The following PLAC1 variants were observed in gnomAD, a reference collection of about 807,000 sequenced individuals.
PLAC1 encodes the protein placenta-specific protein 1.
For synonymous variants in PLAC1, 68 were observed against 62.1 expected (o/e 1.09, Z -0.44); for missense variants, 136 against 163.2 (o/e 0.83, Z 0.91).
chrX:134,697,076 C>T (rs1208619405), intron 2 of PLAC1, among the ~76,000 whole-genome samples: 1 of 109,771 alleles, frequency 9.1e-6, no homozygotes, highest in East Asian at 2.9e-4. Context: ...AATCTCAGCT[C>T]AACTTTCTTC....
At chrX:134,695,220 G>A (rs1437202941) in intron 2 of PLAC1, among the ~76,000 whole-genome samples, 1 of 112,225 alleles carries the variant, frequency 8.9e-6, no homozygotes, top group Non-Finnish European at 1.9e-5. Context: ...GTTAAATTTG[G>A]TGATTTAATA....
intron 1 of PLAC1, among the ~76,000 whole-genome samples, chrX:134,763,714 A>G (rs1446827137): frequency 1.8e-5 from 2 of 109,395 alleles, no homozygotes; most frequent in Non-Finnish European, 3.8e-5. Flanking sequence ...CCACCTACTC[A>G]GGAGGCTGAG....
intron 1 of PLAC1, chrX:134,604,449 G>GT (rs1272575362): frequency 8.9e-6 from 1 of 111,947 alleles, no homozygotes; most frequent in Non-Finnish European, 1.9e-5. Flanking sequence ...GGGCTCATCC[G>GT]TTTTTTCTCA....
rs151135038 is a variant in PLAC1 at position 134,566,625 on chromosome X, C to T, written c.58G>A (p.Gly20Ser). The stretch of plus-strand genomic sequence containing the variant: ...ACAGTCATTGGACTTTGTCCTGAAC[C>T]GGCTGAAAACGCAGAGGTGAGGAGG... ...MILLTSAFSAGSGQSPMTVLC... is the reference protein window; with the variant it reads ...MILLTSAFSASSGQSPMTVLC... Residue 20 changes from glycine (G) to serine (S), a missense_variant, in exon 3 of 3, where the codon GGT becomes AGT. Physicochemically the swap from Gly to Ser is moderately conservative, Grantham distance 56. Coordinates refer to ENST00000359237, the MANE Select transcript of PLAC1 (RefSeq NM_021796.4). The T allele has an allele frequency of 1.8e-4, 223 of 1,205,917 alleles. 1 individual carries two copies. The highest frequency in any genetic ancestry group is 2.3e-4 in the Non-Finnish European group (201 of 892,029).
At position 134,565,846 on chromosome X, in the gene PLAC1, C is replaced by A. The variant is rs1457721473; in HGVS notation, c.*198G>T. The A allele has an allele frequency of 5.2e-6, 2 of 385,140 alleles. No individual in the cohort carries two copies. The highest frequency in any genetic ancestry group is 4.4e-6 in the Non-Finnish European group (1 of 225,198). The allele number at this position is 385,140 out of a possible 1,213,427, so 31.7% of individuals were successfully genotyped here. A position where few individuals can be genotyped will look rare whatever the true frequency, so the allele number is the denominator to read the frequency against. On this transcript the variant is annotated 3_prime_UTR_variant, in exon 3 of 3. Transcript: ENST00000359237. ...TAAAAATGCCCAACATATTTTTATG[C>A]GATCAGAATTTTATTTTATTTTTTG...
chrX:134,684,411 T>TAAAAAA (rs10606569), intron 2 of PLAC1, among the ~76,000 whole-genome samples: 6 of 80,975 alleles, frequency 7.4e-5, no homozygotes, highest in African/African-American at 2.3e-4. Context: ...GCTCTGCCAC[T>TAAAAAA]AAAAAAAAAA....
At chrX:134,619,088 G>A (rs1316756692) in intron 1 of PLAC1, among the ~76,000 whole-genome samples, 1 of 111,967 alleles carries the variant, frequency 8.9e-6, no homozygotes, top group African/African-American at 3.2e-5. Context: ...AATTGACAGA[G>A]ACAAAGCCAC....
At chrX:134,589,938 G>T (rs1313978203) in intron 2 of PLAC1, among the ~76,000 whole-genome samples, 1 of 111,248 alleles carries the variant, frequency 9.0e-6, no homozygotes, top group Non-Finnish European at 1.9e-5. Flanking sequence ...GCTCACGCCT[G>T]TAATCCCAGC....
chrX:134,737,454 C>T (rs1488361763), intron 1 of PLAC1, among the ~76,000 whole-genome samples: 10 of 112,552 alleles, frequency 8.9e-5, no homozygotes, highest in Non-Finnish European at 1.9e-4. Context: ...ACATCTAATA[C>T]TGGATGGCAG....
chrX:134,680,876 A>G (rs1428768732), intron 2 of PLAC1, among the ~76,000 whole-genome samples: 1 of 111,850 alleles, frequency 8.9e-6, no homozygotes, highest in Admixed American at 9.5e-5. Context: ...TGAAGTCAGG[A>G]AGAATGAAGC....
At chrX:134,634,067 C>A (rs2078272955) in intron 1 of PLAC1, among the ~76,000 whole-genome samples, 1 of 111,742 alleles carries the variant, frequency 8.9e-6, no homozygotes, top group African/African-American at 3.3e-5. Flanking sequence ...TTGGAGTAGG[C>A]AAGCTCTAAG....
chrX:134,678,183 G>T (rs886391643), intron 2 of PLAC1, among the ~76,000 whole-genome samples: 1 of 110,896 alleles, frequency 9.0e-6, no homozygotes, highest in Non-Finnish European at 1.9e-5. Flanking sequence ...CTGTAGACTC[G>T]GTCTAATGGT....
chrX:134,758,246 G>A (rs1222725896), intron 1 of PLAC1, among the ~76,000 whole-genome samples: 2 of 110,297 alleles, frequency 1.8e-5, no homozygotes, highest in Non-Finnish European at 1.9e-5. Context: ...CTATAGATTC[G>A]ATGCAATCCT....
intron 2 of PLAC1, among the ~76,000 whole-genome samples, chrX:134,675,207 A>C (rs1376027218): frequency 8.9e-6 from 1 of 112,410 alleles, no homozygotes; most frequent in Admixed American, 9.4e-5. Context: ...AAGAAGAAAA[A>C]GTAAGCTATT....
intron 2 of PLAC1, among the ~76,000 whole-genome samples, chrX:134,575,426 A>G (rs1242886417): frequency 4.8e-5 from 5 of 104,862 alleles, no homozygotes; most frequent in Non-Finnish European, 7.8e-5. Context: ...GCTTGAGCCC[A>G]GAGTGAGACC....
intron 2 of PLAC1, among the ~76,000 whole-genome samples, chrX:134,669,761 C>A (rs964164673): frequency 8.9e-6 from 1 of 112,311 alleles, no homozygotes; most frequent in African/African-American, 3.2e-5. Flanking sequence ...GCTGGAGGTC[C>A]GCAGTAGCGG....
chrX:134,751,332 T>C (rs1175609353), intron 1 of PLAC1, among the ~76,000 whole-genome samples: 2 of 109,198 alleles, frequency 1.8e-5, no homozygotes, highest in Admixed American at 9.9e-5. Flanking sequence ...CTCTGATTTA[T>C]TTCCTATCCC....
At chrX:134,730,601 T>G (rs2078686137) in intron 2 of PLAC1, among the ~76,000 whole-genome samples, 1 of 110,993 alleles carries the variant, frequency 9.0e-6, no homozygotes, top group Non-Finnish European at 1.9e-5. Flanking sequence ...TGCGCCACTA[T>G]GCCCAGCTAA....
At chrX:134,579,173 C>T (rs974892204) in intron 2 of PLAC1, among the ~76,000 whole-genome samples, 2 of 110,541 alleles carry the variant, frequency 1.8e-5, no homozygotes, top group African/African-American at 3.3e-5. Context: ...ATAGAATGCA[C>T]TCCCTCCTGT....
Sources: gnomAD v4.1 joint callset for allele counts (sites outside exome capture counted in the v4.1 genomes callset) on GRCh38, gnomAD v4.1.1 for gene constraint, MANE v1.5 for transcripts, NCBI Gene and HGNC (gene_info 2026-07-23, HGNC 2026-07-21) for gene names.